The following DCUN1D5 variants were observed in gnomAD, a reference collection of about 807,000 sequenced individuals.
The protein encoded by DCUN1D5 is defective in cullin neddylation 1 domain containing 5.
A neutral mutation model predicts 38.3 loss-of-function variants in DCUN1D5; 10 were observed. The ratio of observed to expected loss-of-function variants is 0.26; its 90% confidence interval spans 0.16 to 0.44. The LOEUF is 0.44. Among genes scored for constraint, DCUN1D5 ranks in the 20% least tolerant of loss-of-function variants. DCUN1D5 has a pLI of 1.00. For synonymous variants in DCUN1D5, 93 were observed against 90.9 expected (o/e 1.02, Z -0.13); for missense variants, 148 against 275.3 (o/e 0.54, Z 3.27).
chr11:103,088,210 C>G (rs1396053336), intron 2 of DCUN1D5, among the ~76,000 whole-genome samples: 3 of 151,832 alleles, frequency 2.0e-5, no homozygotes, highest in Non-Finnish European at 4.4e-5. Flanking sequence ...CTACTTTAGA[C>G]CTTAATGTGG....
At position 103,082,790 on chromosome 11, in the gene DCUN1D5, A is replaced by C; in HGVS notation, c.299T>G (p.Phe100Cys). The C allele has an allele frequency of 1.9e-6, 3 of 1,613,226 alleles. No homozygotes were observed. Among genetic ancestry groups the C allele is most frequent in the Non-Finnish European group, 2.5e-6 (3 of 1,179,414 alleles). ...AWKLEAESMG[F>C]FTKEEWLKGM... ...CTTTAACCATTCTTCCTTGGTAAAA[A>C]ATCCCATGCTTTCAGCCTCCAATTT... Residue 100 changes from phenylalanine to cysteine, a missense_variant, in exon 4 of 8, where the codon TTT (phenylalanine) becomes TGT (cysteine). By Grantham distance (205) the Phe-to-Cys change is radical. Coordinates refer to ENST00000260247, the MANE Select transcript of DCUN1D5 (RefSeq NM_032299.4).
chr11:103,079,468 C>T (rs1017127114), intron 4 of DCUN1D5, among the ~76,000 whole-genome samples: 2 of 152,164 alleles, frequency 1.3e-5, no homozygotes, highest in African/African-American at 2.4e-5. Context: ...AAGTGGCTTA[C>T]GCCTGTAATT....
At chr11:103,089,159 T>A in intron 2 of DCUN1D5, 68 bp downstream of exon 2, 1 of 1,482,628 alleles carries the variant, frequency 6.7e-7, no homozygotes, top group Admixed American at 1.7e-5. Flanking sequence ...AGATAATTTG[T>A]TAAATGAATA....
rs1861868491 is a variant in DCUN1D5, at chr11:103,056,188, C to T, written c.*6171G>A. Among the ~76,000 whole-genome samples, 1 of 152,138 alleles carries T rather than the reference C, an allele frequency of 6.6e-6. No homozygotes were observed. Among genetic ancestry groups the T allele is most frequent in the South Asian group, 2.1e-4 (1 of 4,830 alleles). On this transcript the variant is annotated 3_prime_UTR_variant, in exon 8 of 8. Coordinates refer to ENST00000260247, the MANE Select transcript of DCUN1D5 (RefSeq NM_032299.4). This position sits in a 1 kb window ranked among gnomAD's most constrained non-coding sequence, Gnocchi z 4.9. ...CTTGCTTTGATCTGAATCCTAATTG[C>T]TTGCTAGCTCACTCAGTAAAGTCCT...
At chr11:103,069,820 G>T (rs1862227141) in intron 4 of DCUN1D5, among the ~76,000 whole-genome samples, 1 of 152,170 alleles carries the variant, frequency 6.6e-6, no homozygotes, top group Non-Finnish European at 1.5e-5. Context: ...TGGCAGCCCT[G>T]ATTTCTCTTG....
chr11:103,074,955 T>C (rs1359785594), intron 4 of DCUN1D5, among the ~76,000 whole-genome samples: 1 of 152,222 alleles, frequency 6.6e-6, no homozygotes, highest in South Asian at 2.1e-4. Flanking sequence ...AAAATTTCTC[T>C]ATGGAAGAAC....
chr11:103,083,150 TGAA>T lies in DCUN1D5; in HGVS notation c.249+103_249+105del. On this transcript the variant is annotated intron_variant, in intron 3 of 7. Coordinates refer to ENST00000260247, the MANE Select transcript of DCUN1D5 (RefSeq NM_032299.4). The surrounding 1 kb of genome is among the most constrained non-coding windows in gnomAD (Gnocchi z 4.4). ...AAATGCAAATTTACAATATTAAACA[TGAA>T]GAAATAAAATCTTCATACAAGATTA... is the stretch of plus-strand genomic sequence containing the variant. The T allele has an allele frequency of 1.5e-6, 1 of 655,760 alleles. No individual in the cohort carries two copies. Among genetic ancestry groups the T allele is most frequent in the Non-Finnish European group, 2.7e-6 (1 of 370,438 alleles). The allele number at this position is 655,760 out of a possible 1,614,324, so 40.6% of individuals were successfully genotyped here.
rs60319243 is a variant in DCUN1D5, at chr11:103,063,814, C to A, written c.658+461G>T. ...AACTATTTCACTATCAGTTAGCTCA[C>A]AATCAATTTATAGTTTTCAGAGAGA... is the stretch of plus-strand genomic sequence containing the variant. On this transcript the variant is annotated intron_variant, in intron 7 of 7. Transcript: ENST00000260247. This position sits in a 1 kb window ranked among gnomAD's most constrained non-coding sequence, Gnocchi z 4.6. Among the ~76,000 whole-genome samples, 1,061 of 152,234 alleles carry A rather than the reference C, an allele frequency of 7.0e-3. 9 individuals are homozygous for A. Among genetic ancestry groups the A allele is most frequent in the African/African-American group, 0.024 (1,002 of 41,534 alleles).
At position 103,061,238 on chromosome 11, in the gene DCUN1D5, TCAAA is replaced by T. The variant is rs1429743809; in HGVS notation, c.*1117_*1120del. 6.6e-6 allele frequency among the ~76,000 whole-genome samples: 1 copy of T among 152,172 alleles called. No individual in the cohort carries two copies. The highest frequency in any genetic ancestry group is 2.4e-5 in the African/African-American group (1 of 41,444). On this transcript the variant is annotated 3_prime_UTR_variant, in exon 8 of 8. Coordinates refer to ENST00000260247, the MANE Select transcript of DCUN1D5 (RefSeq NM_032299.4). ...AAATAACCTCTTTACTTCTCTCTAC[TCAAA>T]CAATGACACTAGAAATGTTTCTGAA...
chr11:103,089,348 T>G (rs767780610), intron 1 of DCUN1D5, 30 bp from the exon 2 acceptor site: 11 of 1,557,712 alleles, frequency 7.1e-6, no homozygotes, highest in Non-Finnish European at 9.7e-6. Context: ...CCTAAGATTT[T>G]TATCACATCT....
chr11:103,068,306 G>A lies in DCUN1D5; in HGVS notation c.342-1739C>T, dbSNP rs377552581. On this transcript the variant is annotated intron_variant, in intron 4 of 7. Coordinates refer to ENST00000260247, the MANE Select transcript of DCUN1D5 (RefSeq NM_032299.4). The stretch of plus-strand genomic sequence containing the variant: ...AGTATTGTTTGTAGAACTATCATTC[G>A]ATCCAGCAATCCCATTATTGGATAT... 2.9e-4 allele frequency among the ~76,000 whole-genome samples: 44 copies of A among 152,034 alleles called. No homozygotes were observed. The South Asian group carries it at 9.1e-3, about 32-fold the overall frequency.
intron 4 of DCUN1D5, among the ~76,000 whole-genome samples, chr11:103,080,374 T>A (rs1203700605): frequency 6.6e-6 from 1 of 152,208 alleles, no homozygotes; most frequent in Non-Finnish European, 1.5e-5. Context: ...GACACAGATT[T>A]TTTGTCTTCC....
At position 103,071,663 on chromosome 11, in the gene DCUN1D5, C is replaced by A. The variant is rs929672416; in HGVS notation, c.342-5096G>T. On this transcript the variant is annotated intron_variant, in intron 4 of 7. Transcript: ENST00000260247. The surrounding 1 kb of genome is among the most constrained non-coding windows in gnomAD (Gnocchi z 4.1). ...TACATATGTAACAATTTTTCTACAT[C>A]AAAACTTGGATGAAATGGACCAATA... Among the ~76,000 whole-genome samples, 1 of 150,744 alleles carries A rather than the reference C, an allele frequency of 6.6e-6. No individual in the cohort carries two copies. The highest frequency in any genetic ancestry group is 1.5e-5 in the Non-Finnish European group (1 of 67,644).
rs11225545 is a variant in DCUN1D5 at position 103,083,390 on chromosome 11, G to A, written c.179-64C>T. The A allele has an allele frequency of 0.054, 49,510 of 922,810 alleles. 1,599 individuals are homozygous for A. Among genetic ancestry groups the A allele is most frequent in the Middle Eastern group, 0.064 (299 of 4,696 alleles). 57.2% of individuals were successfully genotyped at this position (922,810 alleles called of 1,614,324 possible). ...ATCAACATAAAACATAAATCGTCATGCTAAAGGTACCCATGAACACACCAT... is the reference window on the plus strand; with the variant it reads ...ATCAACATAAAACATAAATCGTCATACTAAAGGTACCCATGAACACACCAT... On this transcript the variant is annotated intron_variant, in intron 2 of 7. Transcript: ENST00000260247. The surrounding 1 kb of genome is among the most constrained non-coding windows in gnomAD (Gnocchi z 4.4).
rs61897068 is a variant in DCUN1D5 at position 103,091,207 on chromosome 11, C to A, written c.86+580G>T. 0.084 allele frequency among the ~76,000 whole-genome samples: 12,849 copies of A among 152,070 alleles called. 709 individuals are homozygous for A. Among genetic ancestry groups the A allele is most frequent in the Non-Finnish European group, 0.12 (7,875 of 67,958 alleles). On this transcript the variant is annotated intron_variant, in intron 1 of 7. Transcript: ENST00000260247. This position sits in a 1 kb window ranked among gnomAD's most constrained non-coding sequence, Gnocchi z 4.3. Reference sequence around the variant, plus strand: ...GACTTGGCATAGGTGAGGCACTATACTTCCAGAAAATGGGGCTCCTGCAAT... The same window carrying A: ...GACTTGGCATAGGTGAGGCACTATAATTCCAGAAAATGGGGCTCCTGCAAT...
Position 103,091,470 on chromosome 11 carries a change from G to C in DCUN1D5, c.86+317C>G. ...AGCGATACGGGAGTAGGGGATCGAG[G>C]GTCGGTTGTGGGGTGGGGGTGGGGG... On this transcript the variant is annotated intron_variant, in intron 1 of 7. Coordinates refer to ENST00000260247, the MANE Select transcript of DCUN1D5 (RefSeq NM_032299.4). The surrounding 1 kb of genome is among the most constrained non-coding windows in gnomAD (Gnocchi z 4.3). 2.9e-6 allele frequency: 1 copy of C among 342,722 alleles called. No homozygotes were observed. Among genetic ancestry groups the C allele is most frequent in the South Asian group, 2.6e-5 (1 of 38,022 alleles). 21.2% of individuals were successfully genotyped at this position (342,722 alleles called of 1,614,324 possible).
rs1320640860 is a variant in DCUN1D5, at chr11:103,057,322, C to T, written c.*5037G>A. ...AGTTAGTTTTTCCTCTTTCATGGTT[C>T]AAAGGCAATTGTTAGCAACAGCAAA... On this transcript the variant is annotated 3_prime_UTR_variant, in exon 8 of 8. Coordinates refer to ENST00000260247, the MANE Select transcript of DCUN1D5 (RefSeq NM_032299.4). This position sits in a 1 kb window ranked among gnomAD's most constrained non-coding sequence, Gnocchi z 4.8. 6.6e-6 allele frequency among the ~76,000 whole-genome samples: 1 copy of T among 152,142 alleles called. No individual in the cohort carries two copies. The highest frequency in any genetic ancestry group is 1.5e-5 in the Non-Finnish European group (1 of 68,018).
At chr11:103,085,257 G>A (rs1862672914) in intron 2 of DCUN1D5, among the ~76,000 whole-genome samples, 2 of 152,136 alleles carry the variant, frequency 1.3e-5, no homozygotes, top group Admixed American at 1.3e-4. Flanking sequence ...GGCCAAGATG[G>A]TGAAACCCTG....
chr11:103,051,805 T>A lies in DCUN1D5; in HGVS notation c.*10554A>T, dbSNP rs1026661661. 1 of 152,176 alleles carries A rather than the reference T, an allele frequency of 6.6e-6. No homozygotes were observed. Among genetic ancestry groups the A allele is most frequent in the South Asian group, 2.1e-4 (1 of 4,826 alleles). 9.4% of individuals were successfully genotyped at this position (152,176 alleles called of 1,614,324 possible). On this transcript the variant is annotated 3_prime_UTR_variant, in exon 8 of 8. Transcript: ENST00000260247. ...AGAAGCAAAGGACTCTGAACACAGA[T>A]CTCTGAACTCCAAACCCAGGGCTCT...
Sources: gnomAD v4.1 joint callset for allele counts (sites outside exome capture counted in the v4.1 genomes callset) on GRCh38, gnomAD v4.1.1 for gene constraint, Gnocchi (gnomAD v3.1) non-coding constraint, MANE v1.5 for transcripts, NCBI Gene and HGNC (gene_info 2026-07-23, HGNC 2026-07-21) for gene names.